MACROD2: variants seen among roughly 807,000 people sequenced by gnomAD.
MACROD2 encodes ADP-ribose glycohydrolase MACROD2.
A neutral mutation model predicts 70.4 loss-of-function variants in MACROD2; 36 were observed. The observed-to-expected ratio is 0.51, with a 90% CI of 0.39 to 0.68. MACROD2 has a LOEUF of 0.68. Among genes scored for constraint, MACROD2 ranks in the 30% least tolerant of loss-of-function variants. The pLI is 0.00. For synonymous variants in MACROD2, 172 were observed against 178.8 expected, an observed-to-expected ratio of 0.96 and a Z score of 0.30; for missense variants, 496 against 538.4, an observed-to-expected ratio of 0.92 and a Z score of 0.78.
intron 5 of MACROD2, among the ~76,000 whole-genome samples, chr20:15,038,452 G>T (rs1365853254): frequency 6.6e-6 from 1 of 152,154 alleles, no homozygotes; most frequent in Non-Finnish European, 1.5e-5. Context: ...AAAGTTTTTT[G>T]ATGTGAGCAG....
At chr20:14,061,584 G>A (rs2053691481) in intron 2 of MACROD2, among the ~76,000 whole-genome samples, 1 of 152,036 alleles carries the variant, frequency 6.6e-6, no homozygotes, top group South Asian at 2.1e-4. Context: ...AGTACTCTAG[G>A]ACAGATGTGT....
intron 5 of MACROD2, among the ~76,000 whole-genome samples, chr20:14,976,779 G>C (rs2423890): frequency 0.23 from 34,269 of 151,986 alleles, 5,246 homozygotes; most frequent in African/African-American, 0.41. Context: ...CCTTGCTGTG[G>C]TCCCATTTCC....
chr20:16,026,657 A>T (rs570069896), intron 15 of MACROD2, among the ~76,000 whole-genome samples: 13 of 152,138 alleles, frequency 8.5e-5, no homozygotes, highest in Non-Finnish European at 1.6e-4. Context: ...AAGTCATGCC[A>T]CTTCTCTGGG....
chr20:14,011,885 A>G (rs2052913128), intron 2 of MACROD2, among the ~76,000 whole-genome samples: 1 of 151,472 alleles, frequency 6.6e-6, no homozygotes, highest in African/African-American at 2.4e-5. Context: ...CTTGGTCAAC[A>G]GTAGCTTTTT....
At chr20:15,749,653 G>A (rs1413228955) in intron 8 of MACROD2, among the ~76,000 whole-genome samples, 1 of 151,978 alleles carries the variant, frequency 6.6e-6, no homozygotes, top group African/African-American at 2.4e-5. Flanking sequence ...TTTCCCTGAA[G>A]GCTAAAGTTT....
chr20:14,112,939 G>C (rs1166233572), intron 3 of MACROD2, among the ~76,000 whole-genome samples: 1 of 151,892 alleles, frequency 6.6e-6, no homozygotes, highest in Non-Finnish European at 1.5e-5. Flanking sequence ...TTTGCGTTGG[G>C]TGAATAGCTC....
chr20:13,995,750 AC>A lies in MACROD2; in HGVS notation c.-9del. The A allele has an allele frequency of 7.3e-7, 1 of 1,367,260 alleles. No individual in the cohort carries two copies. Among genetic ancestry groups the A allele is most frequent in the Non-Finnish European group, 9.7e-7 (1 of 1,026,254 alleles). The allele number at this position is 1,367,260 out of a possible 1,614,324, so 84.7% of individuals were successfully genotyped here. ...GGGAACTTGCAGCTTAAAGCCAGCC[AC>A]CCCCACGGCAACATGTACCCCAGCA... On this transcript the variant is annotated 5_prime_UTR_variant, in exon 1 of 18. Coordinates refer to ENST00000684519, the MANE Select transcript of MACROD2 (RefSeq NM_001351661.2). This position sits in a 1 kb window ranked among gnomAD's most constrained non-coding sequence, Gnocchi z 4.3.
intron 4 of MACROD2, among the ~76,000 whole-genome samples, chr20:14,531,004 C>T (rs930906357): frequency 3.3e-5 from 5 of 152,182 alleles, no homozygotes; most frequent in African/African-American, 1.2e-4. Flanking sequence ...TTGTTATTTT[C>T]TCTTTTATTG....
intron 12 of MACROD2, among the ~76,000 whole-genome samples, chr20:15,948,382 CAAAAAAAAAAAAAA>C (rs71192307): frequency 0.057 from 2,476 of 43,404 alleles, 97 homozygotes; most frequent in African/African-American, 0.16. Flanking sequence ...CTTGCAACTG[CAAAAAAAAAAAAAA>C]AAAAAAAAAA....
intron 3 of MACROD2, among the ~76,000 whole-genome samples, chr20:14,230,047 T>G (rs555766909): frequency 1.3e-5 from 2 of 152,330 alleles, no homozygotes; most frequent in African/African-American, 4.8e-5. Flanking sequence ...TTAAAAATAC[T>G]TAATTGCTAA....
chr20:15,083,806 T>G (rs373561), intron 5 of MACROD2, among the ~76,000 whole-genome samples: 2 of 151,824 alleles, frequency 1.3e-5, no homozygotes, highest in African/African-American at 4.8e-5. Flanking sequence ...ATGGGAGTCA[T>G]TGGAGCAGAA....
At chr20:14,297,693 G>A (rs1014231146) in intron 3 of MACROD2, among the ~76,000 whole-genome samples, 1 of 151,944 alleles carries the variant, frequency 6.6e-6, no homozygotes, top group Non-Finnish European at 1.5e-5. Context: ...AAAAGCACAA[G>A]GTAAAGCAGC....
intron 8 of MACROD2, among the ~76,000 whole-genome samples, chr20:15,529,436 A>G (rs1431136625): frequency 6.6e-6 from 1 of 152,078 alleles, no homozygotes; most frequent in Non-Finnish European, 1.5e-5. Context: ...TTTGTGGCTG[A>G]CATTAGATAT....
intron 8 of MACROD2, among the ~76,000 whole-genome samples, chr20:15,856,034 A>T (rs896203285): frequency 2.6e-5 from 4 of 152,138 alleles, no homozygotes; most frequent in African/African-American, 9.7e-5. Context: ...TCTACTAGGT[A>T]TCTATGTAGG....
chr20:15,322,778 T>C (rs978674775), intron 6 of MACROD2, among the ~76,000 whole-genome samples: 1 of 144,424 alleles, frequency 6.9e-6, no homozygotes, highest in East Asian at 2.0e-4. Flanking sequence ...ATCTTCCTTT[T>C]TCCTCTTTTG....
chr20:14,416,247 G>A (rs763365906), intron 3 of MACROD2, among the ~76,000 whole-genome samples: 4 of 151,984 alleles, frequency 2.6e-5, no homozygotes, highest in South Asian at 4.2e-4. Flanking sequence ...GTGAGCCACC[G>A]CACCCATCCT....
chr20:14,060,344 TAAG>T lies in MACROD2; in HGVS notation c.164-25276_164-25274del, dbSNP rs1185850337. Among the ~76,000 whole-genome samples the T allele has an allele frequency of 2.6e-5, 4 of 152,138 alleles. No homozygotes were observed. In the East Asian group the frequency reaches 5.8e-4, roughly 22 times the overall value. On this transcript the variant is annotated intron_variant, in intron 2 of 17. Transcript: ENST00000684519. The stretch of plus-strand genomic sequence containing the variant: ...GAAAGGGGATGAAAGGCTAGCAACT[TAAG>T]GAGGAAGGGACAGAAATTTTTGCAT...
chr20:16,041,187 T>C lies in MACROD2; in HGVS notation c.1154-14T>C. The stretch of plus-strand genomic sequence containing the variant: ...TCTCTATTCATCAGGGACTGTGGTC[T>C]TTTTCTCTTCCAGCTCCAGGCGAGG... On this transcript the variant is annotated splice_polypyrimidine_tract_variant and intron_variant, in intron 15 of 17. Transcript: ENST00000684519. 1 of 1,609,508 alleles carries C rather than the reference T, an allele frequency of 6.2e-7. No individual in the cohort carries two copies. The highest frequency in any genetic ancestry group is 1.1e-5 in the South Asian group (1 of 90,592).
chr20:14,014,964 CA>C (rs1371619292), intron 2 of MACROD2, among the ~76,000 whole-genome samples: 3 of 94,858 alleles, frequency 3.2e-5, no homozygotes, highest in South Asian at 4.7e-4. Flanking sequence ...CCATGCCCAG[CA>C]AATTTTTTTT....
Sources: allele counts gnomAD v4.1 joint callset (sites outside exome capture counted in the v4.1 genomes callset), GRCh38; gene constraint gnomAD v4.1.1; non-coding constraint Gnocchi (gnomAD v3.1); transcripts MANE v1.5; gene names NCBI Gene and HGNC (gene_info 2026-07-23, HGNC 2026-07-21).